TIMMDC1: variants seen among roughly 807,000 people sequenced by gnomAD.
TIMMDC1 encodes complex I assembly factor TIMMDC1, mitochondrial.
In TIMMDC1, 25 loss-of-function variants were observed where a neutral mutation model predicts 32.6. That is an observed-to-expected ratio of 0.77 (90% CI 0.56 to 1.07). The LOEUF (loss-of-function observed/expected upper bound fraction) is 1.07, where lower values mean the gene tolerates loss of function less well. TIMMDC1 is among the 50% of genes least tolerant of loss of function. The pLI is 0.00. For synonymous variants in TIMMDC1, 130 were observed against 127.6 expected (o/e 1.02, Z -0.13); for missense variants, 329 against 349.2 (o/e 0.94, Z 0.46).
intron 4 of TIMMDC1, among the ~76,000 whole-genome samples, chr3:119,509,943 C>G (rs892510156): frequency 6.6e-6 from 1 of 152,192 alleles, no homozygotes; most frequent in South Asian, 2.1e-4. Context: ...CTCGGCCTCC[C>G]AAAGTGCTGG....
At chr3:119,508,707 C>G (rs2081934170) in intron 4 of TIMMDC1, among the ~76,000 whole-genome samples, 2 of 152,222 alleles carry the variant, frequency 1.3e-5, no homozygotes, top group Admixed American at 6.5e-5. Flanking sequence ...TTCAGGTTCT[C>G]AAGTCATTTT....
chr3:119,521,105 A>G (rs556888714), intron 6 of TIMMDC1, among the ~76,000 whole-genome samples: 8 of 152,350 alleles, frequency 5.3e-5, no homozygotes, highest in South Asian at 2.1e-4. Flanking sequence ...AAGGCCATAT[A>G]TGTCAAACTC....
At chr3:119,500,406 AC>A (rs1439522857) in intron 1 of TIMMDC1, 1 of 295,064 alleles carries the variant, frequency 3.4e-6, no homozygotes, top group South Asian at 7.2e-5. Context: ...TGTACCCAGC[AC>A]TAAGAAAGAA....
chr3:119,509,860 A>AT (rs1367911064), intron 4 of TIMMDC1, among the ~76,000 whole-genome samples: 1 of 151,758 alleles, frequency 6.6e-6, no homozygotes, highest in Admixed American at 6.6e-5. Flanking sequence ...TAATTTTTGT[A>AT]TTTTTAGCAG....
At chr3:119,517,496 TGAAA>T (rs1459372103) in intron 6 of TIMMDC1, among the ~76,000 whole-genome samples, 181 bp downstream of exon 6, 4 of 152,222 alleles carry the variant, frequency 2.6e-5, no homozygotes, top group Non-Finnish European at 4.4e-5. Flanking sequence ...AATGGAAAAA[TGAAA>T]GAGATTGATT....
intron 6 of TIMMDC1, among the ~76,000 whole-genome samples, chr3:119,522,799 G>GGGGGGT (rs757742715): frequency 7.1e-5 from 9 of 127,458 alleles, no homozygotes; most frequent in African/African-American, 9.5e-5. Context: ...TACACGTATG[G>GGGGGGT]GTGTTTGTGT....
intron 6 of TIMMDC1, among the ~76,000 whole-genome samples, chr3:119,522,878 T>C (rs2082038006): frequency 6.6e-6 from 1 of 152,000 alleles, no homozygotes; most frequent in African/African-American, 2.4e-5. Flanking sequence ...AAGTGTCTTG[T>C]ATGTGCCTAC....
intron 1 of TIMMDC1, 67 bp from the exon 2 acceptor site, chr3:119,500,628 A>G: frequency 7.0e-7 from 1 of 1,432,014 alleles, no homozygotes; most frequent in Non-Finnish European, 9.5e-7. Context: ...AATTCTGATT[A>G]TAGAGTCTCT....
In TIMMDC1 at chr3:119,513,655, C is replaced by CT; in HGVS notation, c.537dup (p.Arg180Ter). 1 of 1,613,086 alleles carries CT rather than the reference C, an allele frequency of 6.2e-7. No individual in the cohort carries two copies. Among genetic ancestry groups the CT allele is most frequent in the Non-Finnish European group, 8.5e-7 (1 of 1,179,342 alleles). Reference sequence around the variant, plus strand: ...TTTTTAAATAGCTGTCACGGGAAGTCTTTTTAGGATAAACGTAGGCCTGCG... The same window carrying CT: ...TTTTTAAATAGCTGTCACGGGAAGTCTTTTTTAGGATAAACGTAGGCCTGCG... On this transcript the variant is annotated frameshift_variant, in exon 5 of 7. Coordinates refer to ENST00000494664, the MANE Select transcript of TIMMDC1 (RefSeq NM_016589.4). LOFTEE classifies it high-confidence loss of function.
chr3:119,521,555 C>G (rs1424980567), intron 6 of TIMMDC1, among the ~76,000 whole-genome samples: 1 of 145,312 alleles, frequency 6.9e-6, no homozygotes, highest in Non-Finnish European at 1.5e-5. Flanking sequence ...AAATTAGGCA[C>G]AGTAGTGCAT....
At chr3:119,509,178 C>T (rs1176949402) in intron 4 of TIMMDC1, among the ~76,000 whole-genome samples, 1 of 148,176 alleles carries the variant, frequency 6.7e-6, no homozygotes, top group Admixed American at 6.8e-5. Flanking sequence ...TGCACTCCAG[C>T]CTGGGCTACA....
chr3:119,516,866 T>A (rs779905271), intron 5 of TIMMDC1, among the ~76,000 whole-genome samples: 47 of 152,342 alleles, frequency 3.1e-4, no homozygotes, highest in Non-Finnish European at 5.6e-4. Flanking sequence ...GGTGTGGGGC[T>A]ACTTACTAGA....
At chr3:119,505,071 T>A (rs1449760136) in intron 4 of TIMMDC1, among the ~76,000 whole-genome samples, 1 of 139,752 alleles carries the variant, frequency 7.2e-6, no homozygotes, top group African/African-American at 2.8e-5. Flanking sequence ...AGAGTGAAAC[T>A]CTTGTCTCAA....
At chr3:119,518,040 A>T (rs1060569) in intron 6 of TIMMDC1, among the ~76,000 whole-genome samples, 1 of 151,030 alleles carries the variant, frequency 6.6e-6, no homozygotes, top group Non-Finnish European at 1.5e-5. Flanking sequence ...TCTCCACAAA[A>T]ATTCTATTTC....
intron 1 of TIMMDC1, among the ~76,000 whole-genome samples, chr3:119,499,152 G>T (rs2081848871): frequency 6.8e-6 from 1 of 146,222 alleles, no homozygotes; most frequent in South Asian, 2.1e-4. Flanking sequence ...GGAGTGCTGT[G>T]GTGCTATCTC....
intron 2 of TIMMDC1, 131 bp downstream of exon 2, chr3:119,500,991 C>A: frequency 1.2e-6 from 1 of 844,878 alleles, no homozygotes; most frequent in Non-Finnish European, 1.8e-6. Context: ...AAAGTCTGTA[C>A]TTAATAACAG....
chr3:119,513,769 C>A (rs372508128), intron 5 of TIMMDC1, 50 bp downstream of exon 5: 23 of 1,171,214 alleles, frequency 2.0e-5, no homozygotes, highest in Non-Finnish European at 2.7e-5. Context: ...TTCATTAATA[C>A]CTTGCCTATT....
In TIMMDC1 at chr3:119,523,776, C is replaced by T; in HGVS notation, c.*20C>T. 6.4e-7 allele frequency: 1 copy of T among 1,571,262 alleles called. No individual in the cohort carries two copies. ...GACTGAAAGTGCTCTGAACTTGAAACTCACTGGAGAGCTGAAGGGAGCTGC... is the reference window on the plus strand; with the variant it reads ...GACTGAAAGTGCTCTGAACTTGAAATTCACTGGAGAGCTGAAGGGAGCTGC... On this transcript the variant is annotated 3_prime_UTR_variant, in exon 7 of 7. Coordinates refer to ENST00000494664, the MANE Select transcript of TIMMDC1 (RefSeq NM_016589.4).
intron 6 of TIMMDC1, among the ~76,000 whole-genome samples, chr3:119,520,161 A>G (rs1158408516): frequency 6.6e-6 from 1 of 152,188 alleles, no homozygotes; most frequent in African/African-American, 2.4e-5. Context: ...AAAAGTAGAA[A>G]TGTTTCAAAT....
Sources: allele counts gnomAD v4.1 joint callset (sites outside exome capture counted in the v4.1 genomes callset), GRCh38; gene constraint gnomAD v4.1.1; transcripts MANE v1.5; gene names NCBI Gene and HGNC (gene_info 2026-07-23, HGNC 2026-07-21).